Variants in TET1 observed in about 807,000 individuals in gnomAD.
TET1 encodes tet methylcytosine dioxygenase 1.
Under a neutral mutation model 148.7 loss-of-function variants are expected in TET1, and 13 were observed. That is an observed-to-expected ratio of 0.09 (90% CI 0.06 to 0.14). The LOEUF is 0.14. Among genes scored for constraint, TET1 ranks in the 10% least tolerant of loss-of-function variants. The probability of loss-of-function intolerance (pLI) is 1.00; values close to 1 mark genes in which losing one functional copy is unlikely to be tolerated. For synonymous variants in TET1, 907 were observed against 937.2 expected (o/e 0.97, Z 0.59); for missense variants, 2,182 against 2,553.8 (o/e 0.85, Z 3.14).
chr10:68,631,596 C>T (rs1044164258), intron 3 of TET1, among the ~76,000 whole-genome samples: 1 of 151,934 alleles, frequency 6.6e-6, no homozygotes, highest in Non-Finnish European at 1.5e-5. Flanking sequence ...ATAGGAAAGA[C>T]CTGCTTGTTA....
chr10:68,661,225 G>T (rs71478837), intron 6 of TET1, among the ~76,000 whole-genome samples: 22,098 of 93,484 alleles, frequency 0.24, 1,804 homozygotes, highest in African/African-American at 0.39. Context: ...TTTTTTTGTA[G>T]TTTTAGTAGA....
chr10:68,666,735 G>A (rs1287373406), intron 6 of TET1, among the ~76,000 whole-genome samples: 1 of 152,142 alleles, frequency 6.6e-6, no homozygotes, highest in Non-Finnish European at 1.5e-5. Flanking sequence ...GGGAACTGTT[G>A]AGGCAGTGGA....
At position 68,673,299 on chromosome 10, in the gene TET1, A is replaced by C. The variant is rs2055299427; in HGVS notation, c.4824+254A>C. On this transcript the variant is annotated intron_variant, in intron 8 of 11. Transcript: ENST00000373644. ...TCCTCCTGCTCTACTACCCCACCCC[A>C]GCAAAATCATCATTAAAAGAACCTA... 3 of 243,590 alleles carry C rather than the reference A, an allele frequency of 1.2e-5. No individual in the cohort carries two copies. The South Asian group carries it at 2.2e-4, about 18-fold the overall frequency. 15.1% of individuals were successfully genotyped at this position (243,590 alleles called of 1,614,324 possible). A position where few individuals can be genotyped will look rare whatever the true frequency, so the allele number is the denominator to read the frequency against.
intron 3 of TET1, among the ~76,000 whole-genome samples, chr10:68,613,600 A>G (rs2054247552): frequency 6.6e-6 from 1 of 152,168 alleles, no homozygotes; most frequent in Non-Finnish European, 1.5e-5. Context: ...CATGGAAAAA[A>G]AAAGTAATGA....
chr10:68,647,356 C>A (rs1479380780), intron 4 of TET1, among the ~76,000 whole-genome samples: 1 of 152,174 alleles, frequency 6.6e-6, no homozygotes, highest in Non-Finnish European at 1.5e-5. Context: ...GTAATCCCAA[C>A]ATTTTGGGAG....
rs143389125 is a variant in TET1, at chr10:68,646,662, C to A, written c.3933C>A (p.Asn1311Lys). Residue 1311 changes from asparagine (N) to lysine (K), a missense_variant, in exon 4 of 12, where the codon AAC becomes AAA. Physicochemically the swap from Asn to Lys is moderately conservative, Grantham distance 94. This residue lies in a region of TET1 where 582 missense variants were observed against 599.5 expected (regional missense o/e 0.97). Coordinates refer to ENST00000373644, the MANE Select transcript of TET1 (RefSeq NM_030625.3). ...QPSSPPNQCA[N>K]VMAGDDQIRF... Reference sequence around the variant, plus strand: ...CCTCTCCACCTAACCAGTGTGCTAACGTGATGGCAGGCGATGACCAAATAC... The same window carrying A: ...CCTCTCCACCTAACCAGTGTGCTAAAGTGATGGCAGGCGATGACCAAATAC... 3 of 1,614,150 alleles carry A rather than the reference C, an allele frequency of 1.9e-6. No individual in the cohort carries two copies. Among genetic ancestry groups the A allele is most frequent in the East Asian group, 2.2e-5 (1 of 44,878 alleles).
chr10:68,656,980 G>A (rs1351497048), intron 6 of TET1, among the ~76,000 whole-genome samples: 1 of 150,994 alleles, frequency 6.6e-6, no homozygotes, highest in African/African-American at 2.4e-5. Context: ...CAGCCAAGAT[G>A]GTGCCACGGC....
At chr10:68,598,116 C>A (rs1276245737) in intron 2 of TET1, among the ~76,000 whole-genome samples, 2 of 152,188 alleles carry the variant, frequency 1.3e-5, no homozygotes, top group Admixed American at 6.5e-5. Flanking sequence ...GGGCTGGGCG[C>A]AGTGGCTCAC....
Position 68,652,504 on chromosome 10 carries a change from T to C in TET1, c.4371T>C (p.Tyr1457=). The change falls in exon 6 of 12, where the codon TAT becomes TAC. Residue 1457 remains tyrosine (Y), a synonymous_variant. Transcript: ENST00000373644. The stretch of plus-strand genomic sequence containing the variant: ...CTTCACTGTGTTTTATACTCAGGTA[T>C]GGTCAAAAAGGAAACGCAATAAGGA... ...AAVREIMENR[Y]GQKGNAIRIE... 1.2e-6 allele frequency: 2 copies of C among 1,607,832 alleles called. No individual in the cohort carries two copies. Among genetic ancestry groups the C allele is most frequent in the Non-Finnish European group, 1.7e-6 (2 of 1,176,772 alleles).
chr10:68,584,439 T>C (rs2053837225), intron 2 of TET1, among the ~76,000 whole-genome samples: 1 of 151,396 alleles, frequency 6.6e-6, no homozygotes, highest in Non-Finnish European at 1.5e-5. Flanking sequence ...CTGGGTGCAG[T>C]GGTTCAGGCC....
At chr10:68,632,835 T>TAAAAAAAA (rs34118781) in intron 3 of TET1, 1 of 406,194 alleles carries the variant, frequency 2.5e-6, no homozygotes, top group African/African-American at 2.6e-5. Context: ...GTTTAAGTTG[T>TAAAAAAAA]AAAAAAAAAA....
At chr10:68,561,851 C>T (rs2133655646) in intron 1 of TET1, among the ~76,000 whole-genome samples, 1 of 152,082 alleles carries the variant, frequency 6.6e-6, no homozygotes, top group Admixed American at 6.6e-5. Context: ...CATTTCTGAT[C>T]CACTAAAAAC....
At chr10:68,664,361 T>G (rs2055165137) in intron 6 of TET1, among the ~76,000 whole-genome samples, 1 of 151,992 alleles carries the variant, frequency 6.6e-6, no homozygotes, top group African/African-American at 2.4e-5. Flanking sequence ...ATGTCAAATA[T>G]ATGTCATGTA....
At chr10:68,642,006 T>C (rs907907792) in intron 3 of TET1, among the ~76,000 whole-genome samples, 8 of 152,226 alleles carry the variant, frequency 5.3e-5, no homozygotes, top group Admixed American at 4.6e-4. Context: ...TACAAATAAA[T>C]ATTGTGTATA....
At chr10:68,689,750 G>C (rs1427902117) in intron 11 of TET1, among the ~76,000 whole-genome samples, 2 of 150,272 alleles carry the variant, frequency 1.3e-5, no homozygotes, top group Admixed American at 6.7e-5. Context: ...CTGCACTCCA[G>C]CCTGGGCAAC....
chr10:68,651,981 C>A, intron 5 of TET1, 45 bp downstream of exon 5: 2 of 1,517,262 alleles, frequency 1.3e-6, no homozygotes, highest in Non-Finnish European at 1.8e-6. Context: ...TACTGTGGAT[C>A]TGACTCAACG....
intron 9 of TET1, 53 bp downstream of exon 9, chr10:68,681,541 G>A: frequency 2.3e-6 from 3 of 1,284,868 alleles, no homozygotes; most frequent in East Asian, 2.4e-5. Flanking sequence ...GTGGGGTCTT[G>A]CTTTGTTGCC....
chr10:68,651,436 G>A (rs1271708760), intron 4 of TET1, among the ~76,000 whole-genome samples: 2 of 151,860 alleles, frequency 1.3e-5, no homozygotes, highest in Non-Finnish European at 2.9e-5. Flanking sequence ...GGGCGACAGA[G>A]CAAGACTCTG....
At chr10:68,690,757 C>G (rs769251161) in intron 11 of TET1, 51 bp from the exon 12 acceptor site, 4 of 1,507,740 alleles carry the variant, frequency 2.7e-6, no homozygotes, top group Non-Finnish European at 2.7e-6. Flanking sequence ...AAAAGGCAAC[C>G]CCTACCAAAA....
Sources: allele counts gnomAD v4.1 joint callset (sites outside exome capture counted in the v4.1 genomes callset), GRCh38; gene constraint gnomAD v4.1.1; regional missense constraint gnomAD v4.1.1; transcripts MANE v1.5; gene names NCBI Gene and HGNC (gene_info 2026-07-23, HGNC 2026-07-21).